Variants in CSMD1 observed in about 807,000 individuals in gnomAD.
The protein encoded by CSMD1 is CUB and Sushi multiple domains 1, also known as CUB and sushi domain-containing protein 1.
Under a neutral mutation model 417.5 loss-of-function variants are expected in CSMD1, and 213 were observed. That is an observed-to-expected ratio of 0.51 (90% confidence interval 0.46 to 0.57). The LOEUF is 0.57. Among genes scored for constraint, CSMD1 ranks in the 20% least tolerant of loss-of-function variants. The probability of loss-of-function intolerance (pLI) is 0.00; values close to 1 mark genes in which losing one functional copy is unlikely to be tolerated. For synonymous variants in CSMD1, 2,862 were observed against 1,736.8 expected, an observed-to-expected ratio of 1.65 and a Z score of -16.11; for missense variants, 6,923 against 4,529.7, an observed-to-expected ratio of 1.53 and a Z score of -15.17.
chr8:3,677,548 G>C (rs933080158), intron 7 of CSMD1, among the ~76,000 whole-genome samples: 1 of 152,150 alleles, frequency 6.6e-6, no homozygotes, highest in African/African-American at 2.4e-5. Flanking sequence ...CTCAGCGAGA[G>C]GCACCCAGAA....
intron 3 of CSMD1, among the ~76,000 whole-genome samples, chr8:4,201,854 A>C (rs1163814204): frequency 7.2e-6 from 1 of 139,744 alleles, no homozygotes; most frequent in Non-Finnish European, 1.5e-5. Context: ...ATTGTGTCTA[A>C]TTAACAGTGA....
At chr8:3,724,748 T>C (rs753042473) in intron 6 of CSMD1, among the ~76,000 whole-genome samples, 1 of 152,208 alleles carries the variant, frequency 6.6e-6, no homozygotes, top group South Asian at 2.1e-4. Flanking sequence ...TAGTATTTTC[T>C]TCTGTTATGA....
At chr8:3,869,811 C>A (rs1805358902) in intron 5 of CSMD1, among the ~76,000 whole-genome samples, 1 of 152,038 alleles carries the variant, frequency 6.6e-6, no homozygotes, top group South Asian at 2.1e-4. Flanking sequence ...TGCCAGATTT[C>A]CGTATCAACT....
At chr8:4,308,614 A>C (rs1278296613) in intron 3 of CSMD1, among the ~76,000 whole-genome samples, 1 of 152,190 alleles carries the variant, frequency 6.6e-6, no homozygotes, top group African/African-American at 2.4e-5. Flanking sequence ...GAATTTGTTA[A>C]GCCTGCTTTG....
intron 18 of CSMD1, among the ~76,000 whole-genome samples, chr8:3,378,020 G>A (rs189796405): frequency 3.9e-5 from 6 of 152,306 alleles, no homozygotes; most frequent in Admixed American, 3.3e-4. Flanking sequence ...AAGGCTGAGT[G>A]TGACCTGGTC....
At chr8:3,986,507 C>T (rs919491841) in intron 5 of CSMD1, among the ~76,000 whole-genome samples, 4 of 152,122 alleles carry the variant, frequency 2.6e-5, no homozygotes, top group Non-Finnish European at 5.9e-5. Context: ...AAGCAAGATC[C>T]TTCTCCTTTC....
At chr8:4,643,292 A>G (rs1803320614) in intron 1 of CSMD1, among the ~76,000 whole-genome samples, 1 of 152,208 alleles carries the variant, frequency 6.6e-6, no homozygotes, top group African/African-American at 2.4e-5. Context: ...TACTACATCT[A>G]TTTTGTGAAA....
intron 1 of CSMD1, among the ~76,000 whole-genome samples, chr8:4,912,625 T>C (rs1805770529): frequency 1.3e-5 from 2 of 152,306 alleles, no homozygotes; most frequent in Middle Eastern, 3.4e-3. Flanking sequence ...TTGTTTGGCT[T>C]CCTTTGTAAA....
At chr8:3,264,436 G>T (rs1052651001) in intron 26 of CSMD1, among the ~76,000 whole-genome samples, 1 of 152,150 alleles carries the variant, frequency 6.6e-6, no homozygotes, top group African/African-American at 2.4e-5. Flanking sequence ...CAAGTGTCAG[G>T]AGAATCTTAT....
intron 5 of CSMD1, among the ~76,000 whole-genome samples, chr8:3,944,289 G>C (rs1387740427): frequency 6.6e-6 from 1 of 152,082 alleles, no homozygotes; most frequent in East Asian, 1.9e-4. Context: ...AATCAAACCT[G>C]TCAGTTTGAG....
At chr8:4,023,776 T>G (rs1168654390) in intron 4 of CSMD1, among the ~76,000 whole-genome samples, 1 of 118,240 alleles carries the variant, frequency 8.5e-6, no homozygotes, top group East Asian at 4.1e-4. Flanking sequence ...TTTTTTTTTT[T>G]TTTTTTTTGT....
At chr8:4,563,909 T>C (rs1798464814) in intron 2 of CSMD1, among the ~76,000 whole-genome samples, 1 of 152,186 alleles carries the variant, frequency 6.6e-6, no homozygotes, top group South Asian at 2.1e-4. Context: ...TTAAAATGTT[T>C]CTTCTGTAGC....
chr8:3,778,833 A>G (rs1799028123), intron 5 of CSMD1, among the ~76,000 whole-genome samples: 1 of 152,188 alleles, frequency 6.6e-6, no homozygotes, highest in African/African-American at 2.4e-5. Context: ...CAAGTTTATT[A>G]TTCCTCATTG....
At chr8:3,715,174 A>G (rs111579896) in intron 6 of CSMD1, among the ~76,000 whole-genome samples, 3,799 of 152,220 alleles carry the variant, frequency 0.025, 80 homozygotes, top group Admixed American at 0.036. Context: ...TATTTTTTGC[A>G]AATTATTCAT....
At chr8:3,936,688 G>A (rs1391059952) in intron 5 of CSMD1, among the ~76,000 whole-genome samples, 1 of 152,156 alleles carries the variant, frequency 6.6e-6, no homozygotes, top group Non-Finnish European at 1.5e-5. Flanking sequence ...GGTCACACAA[G>A]AGCTCTGACA....
intron 53 of CSMD1, among the ~76,000 whole-genome samples, chr8:2,998,488 C>T (rs866856279): frequency 2.0e-5 from 3 of 152,096 alleles, no homozygotes; most frequent in Non-Finnish European, 4.4e-5. Context: ...GATTTAAAAA[C>T]GAAGCAGTGA....
chr8:3,233,631 T>G (rs1194350732), intron 26 of CSMD1, among the ~76,000 whole-genome samples: 1 of 152,230 alleles, frequency 6.6e-6, no homozygotes, highest in Non-Finnish European at 1.5e-5. Flanking sequence ...ATATAGTATT[T>G]GGTTTCCTAT....
intron 1 of CSMD1, among the ~76,000 whole-genome samples, chr8:4,680,206 C>G (rs1362099654): frequency 6.6e-6 from 1 of 152,148 alleles, no homozygotes; most frequent in Non-Finnish European, 1.5e-5. Context: ...TAATTGTGTT[C>G]TGCAAAAATG....
chr8:4,822,811 T>G (rs1333382121), intron 1 of CSMD1, among the ~76,000 whole-genome samples: 1 of 152,128 alleles, frequency 6.6e-6, no homozygotes, highest in Non-Finnish European at 1.5e-5. Context: ...TTTCTTGGTT[T>G]GATGAAACCA....
Sources: gnomAD v4.1 joint callset for allele counts (sites outside exome capture counted in the v4.1 genomes callset) on GRCh38, gnomAD v4.1.1 for gene constraint, MANE v1.5 for transcripts, NCBI Gene and HGNC (gene_info 2026-07-23, HGNC 2026-07-21) for gene names.